ADAMTS20: variants seen among roughly 807,000 people sequenced by gnomAD.
The protein encoded by ADAMTS20 is A disintegrin and metalloproteinase with thrombospondin motifs 20.
Under a neutral mutation model 260.1 loss-of-function variants are expected in ADAMTS20, and 225 were observed. The observed-to-expected ratio is 0.87, with a 90% confidence interval of 0.78 to 0.97. ADAMTS20 has a LOEUF of 0.97. Ranked by LOEUF, ADAMTS20 falls within the 50% of genes least tolerant of loss-of-function variation. The pLI is 0.00. For missense variants in ADAMTS20, 2,400 were observed against 2,337.7 expected (o/e 1.03, Z -0.55); for synonymous variants, 802 against 769.5 (o/e 1.04, Z -0.70).
chr12:43,527,036 G>A (rs1352742657), intron 3 of ADAMTS20, among the ~76,000 whole-genome samples: 1 of 152,036 alleles, frequency 6.6e-6, no homozygotes, highest in Non-Finnish European at 1.5e-5. Context: ...GAAATACAAA[G>A]ATCATTCAAT....
chr12:43,439,546 GCCAA>G, intron 18 of ADAMTS20, 72 bp downstream of exon 18: 4 of 1,522,254 alleles, frequency 2.6e-6, no homozygotes, highest in Non-Finnish European at 3.5e-6. Flanking sequence ...TCCATAGGCA[GCCAA>G]GACTCAAAAG....
At chr12:43,461,011 T>TTTTTTTTTTTA (rs1942055276) in intron 11 of ADAMTS20, among the ~76,000 whole-genome samples, 1 of 117,976 alleles carries the variant, frequency 8.5e-6, no homozygotes, top group Non-Finnish European at 1.7e-5. Context: ...TTTTTTTTTT[T>TTTTTTTTTTTA]GAGACGAAGT....
intron 28 of ADAMTS20, among the ~76,000 whole-genome samples, chr12:43,420,773 CT>C (rs1941211906): frequency 9.2e-6 from 1 of 108,238 alleles, no homozygotes; most frequent in African/African-American, 3.1e-5. Context: ...TCTTCTTCCT[CT>C]TCTTCTTCTT....
intron 31 of ADAMTS20, among the ~76,000 whole-genome samples, chr12:43,383,245 T>C (rs550489177): frequency 6.6e-6 from 1 of 152,320 alleles, no homozygotes; most frequent in East Asian, 1.9e-4. Flanking sequence ...TTATGGTTCA[T>C]CAATTACACC....
At chr12:43,359,034 GTCCTCTCTCTCTCTCACTGTCTCTC>G (rs1240889867) in intron 37 of ADAMTS20, among the ~76,000 whole-genome samples, 1 of 151,818 alleles carries the variant, frequency 6.6e-6, no homozygotes, top group Non-Finnish European at 1.5e-5. Context: ...AACATACGAG[GTCCTCTCTCTCTCTCACTGTCTCTC>G]TCTCCATACA....
chr12:43,432,549 C>G, intron 20 of ADAMTS20, 52 bp downstream of exon 20: 1 of 1,603,136 alleles, frequency 6.2e-7, no homozygotes, highest in Non-Finnish European at 8.5e-7. Context: ...AACATAAATA[C>G]GTAATTAGAA....
At chr12:43,388,471 G>A (rs149772457) in intron 29 of ADAMTS20, among the ~76,000 whole-genome samples, 1 of 152,304 alleles carries the variant, frequency 6.6e-6, no homozygotes, top group East Asian at 1.9e-4. Context: ...TTCCTATTTG[G>A]CCATCTTGGC....
chr12:43,443,877 T>C lies in ADAMTS20; in HGVS notation c.2204A>G (p.Asn735Ser). The C allele has an allele frequency of 6.8e-6, 11 of 1,612,552 alleles. No homozygotes were observed. Among genetic ancestry groups the C allele is most frequent in the Non-Finnish European group, 9.3e-6 (11 of 1,178,796 alleles). The change falls in exon 16 of 39, where the codon AAT becomes AGT. Residue 735 changes from asparagine (N) to serine (S), a missense_variant. Asn to Ser is a conservative substitution (Grantham distance 46). Coordinates refer to ENST00000389420, the MANE Select transcript of ADAMTS20 (RefSeq NM_025003.5). ...TCCTGCGGGAATCTTTACAACAACATTATAACCTGCAATATAATTTTACAT... is the reference window on the plus strand; with the variant it reads ...TCCTGCGGGAATCTTTACAACAACACTATAACCTGCAATATAATTTTACAT... ...GVFNSSHYGY[N>S]VVVKIPAGAT... is the part of the protein sequence containing the mutation.
At chr12:43,465,438 C>T (rs182965447) in intron 9 of ADAMTS20, among the ~76,000 whole-genome samples, 151 of 152,088 alleles carry the variant, frequency 9.9e-4, no homozygotes, top group Non-Finnish European at 1.9e-3. Flanking sequence ...TTAGGAAAAA[C>T]ATGAGAAATA....
At chr12:43,359,304 G>A (rs1939818167) in intron 37 of ADAMTS20, among the ~76,000 whole-genome samples, 1 of 152,186 alleles carries the variant, frequency 6.6e-6, no homozygotes, top group Non-Finnish European at 1.5e-5. Flanking sequence ...ATAAGATAGA[G>A]GAGAAGCATA....
chr12:43,357,074 C>T (rs1226533693), intron 37 of ADAMTS20, among the ~76,000 whole-genome samples: 1 of 152,130 alleles, frequency 6.6e-6, no homozygotes, highest in Non-Finnish European at 1.5e-5. Context: ...GTGTGTGGGT[C>T]CCCTATGAGC....
At chr12:43,390,893 G>A (rs1315068484) in intron 29 of ADAMTS20, among the ~76,000 whole-genome samples, 2 of 152,132 alleles carry the variant, frequency 1.3e-5, no homozygotes, top group African/African-American at 4.8e-5. Flanking sequence ...TCTTCCAGCT[G>A]CTAGTCATTA....
chr12:43,501,291 C>T (rs1942756147), intron 4 of ADAMTS20, among the ~76,000 whole-genome samples: 1 of 151,704 alleles, frequency 6.6e-6, no homozygotes, highest in East Asian at 1.9e-4. Context: ...AACTTCCGAC[C>T]TCAGGTGATC....
chr12:43,370,889 T>A (rs1940093169), intron 36 of ADAMTS20, among the ~76,000 whole-genome samples: 1 of 152,228 alleles, frequency 6.6e-6, no homozygotes, highest in African/African-American at 2.4e-5. Context: ...TCCTAACCCA[T>A]GTTCCCAGTA....
rs755727958 is a variant in ADAMTS20 at position 43,505,160 on chromosome 12, TAA to T, written c.614-2757_614-2756del. On this transcript the variant is annotated intron_variant, in intron 3 of 38. Coordinates refer to ENST00000389420, the MANE Select transcript of ADAMTS20 (RefSeq NM_025003.5). The stretch of plus-strand genomic sequence containing the variant: ...ACTAACTCAAAATGAGTTACAAATC[TAA>T]AAGACCCAAGATATTAAAACTCCTA... 1.1e-4 allele frequency among the ~76,000 whole-genome samples: 17 copies of T among 152,204 alleles called. No individual in the cohort carries two copies. In the East Asian group the frequency reaches 3.3e-3, roughly 29 times the overall value.
At chr12:43,527,292 T>C (rs189866479) in intron 3 of ADAMTS20, among the ~76,000 whole-genome samples, 9 of 152,170 alleles carry the variant, frequency 5.9e-5, no homozygotes, top group South Asian at 2.1e-4. Context: ...CCAATCCTAA[T>C]AAAACAATTT....
In ADAMTS20 at chr12:43,514,086, TAAAA is replaced by T. The variant is rs71091163; in HGVS notation, c.614-11685_614-11682del. Among the ~76,000 whole-genome samples the T allele has an allele frequency of 6.1e-3, 618 of 100,524 alleles. 8 individuals carry two copies. Among genetic ancestry groups the T allele is most frequent in the African/African-American group, 0.023 (577 of 25,394 alleles). The allele number at this position is 100,524 out of a possible 152,430, so 65.9% of individuals were successfully genotyped here. Reference sequence around the variant, plus strand: ...TTTAAAAAAAAGAGAGAATAAACTCTAAAAAAAAAAAAAAAAAAAAAAAAGTGAG... The same window carrying T: ...TTTAAAAAAAAGAGAGAATAAACTCTAAAAAAAAAAAAAAAAAAAAGTGAG... On this transcript the variant is annotated intron_variant, in intron 3 of 38. Coordinates refer to ENST00000389420, the MANE Select transcript of ADAMTS20 (RefSeq NM_025003.5).
At chr12:43,523,016 T>C (rs1943092877) in intron 3 of ADAMTS20, among the ~76,000 whole-genome samples, 1 of 152,226 alleles carries the variant, frequency 6.6e-6, no homozygotes, top group African/African-American at 2.4e-5. Flanking sequence ...TCCTTTTCCA[T>C]TTAATCACTT....
chr12:43,414,503 A>G (rs751355563), intron 28 of ADAMTS20, among the ~76,000 whole-genome samples: 22 of 152,152 alleles, frequency 1.4e-4, no homozygotes, highest in Non-Finnish European at 2.6e-4. Context: ...CCCATATATC[A>G]GTAAGATAAT....
Sources: allele counts gnomAD v4.1 joint callset (sites outside exome capture counted in the v4.1 genomes callset), GRCh38; gene constraint gnomAD v4.1.1; transcripts MANE v1.5; gene names NCBI Gene and HGNC (gene_info 2026-07-23, HGNC 2026-07-21).